The following TCF12 variants were observed in gnomAD, a reference collection of about 807,000 sequenced individuals.
TCF12 encodes the protein transcription factor 12.
Under a neutral mutation model 86.0 loss-of-function variants are expected in TCF12, and 45 were observed. That is an observed-to-expected ratio of 0.52 (90% CI 0.41 to 0.67). The LOEUF (loss-of-function observed/expected upper bound fraction) is 0.67, where lower values mean the gene tolerates loss of function less well. Among genes scored for constraint, TCF12 ranks in the 30% least tolerant of loss-of-function variants. The probability of loss-of-function intolerance (pLI) is 0.00; values close to 1 mark genes in which losing one functional copy is unlikely to be tolerated. For missense variants in TCF12, 881 were observed against 859.9 expected, an observed-to-expected ratio of 1.02 and a Z score of -0.31; for synonymous variants, 330 against 299.6, an observed-to-expected ratio of 1.10 and a Z score of -1.05.
At chr15:56,995,024 T>C (rs961184989) in intron 3 of TCF12, among the ~76,000 whole-genome samples, 3 of 152,014 alleles carry the variant, frequency 2.0e-5, no homozygotes, top group Non-Finnish European at 2.9e-5. Context: ...AAATATAACA[T>C]CTATGATCCA....
chr15:57,283,118 C>T (rs1312574217), intron 20 of TCF12, among the ~76,000 whole-genome samples: 1 of 152,162 alleles, frequency 6.6e-6, no homozygotes, highest in African/African-American at 2.4e-5. Context: ...CAGTTAACAC[C>T]CTCTAGAATC....
rs1194160083 is a variant in TCF12 at position 56,919,840 on chromosome 15, A to C, written c.-22-52A>C. 4.6e-6 allele frequency: 7 copies of C among 1,530,002 alleles called. No homozygotes were observed. In the African/African-American group the frequency reaches 6.9e-5, roughly 15 times the overall value. 94.8% of individuals were successfully genotyped at this position (1,530,002 alleles called of 1,614,324 possible). On this transcript the variant is annotated intron_variant, in intron 1 of 20. Transcript: ENST00000333725. ...CCCCAGTACCTCTCTCTGTTCCCTC[A>C]CACACTTTGGGCCTCGGTGGTCTCT...
chr15:56,966,715 A>G (rs2062021742), intron 3 of TCF12, among the ~76,000 whole-genome samples: 1 of 152,266 alleles, frequency 6.6e-6, no homozygotes, highest in Non-Finnish European at 1.5e-5. Flanking sequence ...AAAATTTGAG[A>G]AAATATAAAA....
chr15:57,047,059 A>G (rs1197551312), intron 3 of TCF12, among the ~76,000 whole-genome samples: 2 of 152,218 alleles, frequency 1.3e-5, no homozygotes, highest in Non-Finnish European at 1.5e-5. Context: ...TGAAAGTTTT[A>G]AAGGGAGGAA....
chr15:56,919,793 C>T, intron 1 of TCF12, 99 bp from the exon 2 acceptor site: 2 of 1,082,328 alleles, frequency 1.8e-6, no homozygotes, highest in Non-Finnish European at 2.7e-6. Context: ...TCCCGGCGCC[C>T]CCAGCGCTCT....
intron 3 of TCF12, among the ~76,000 whole-genome samples, chr15:56,943,571 G>A (rs2060873278): frequency 6.6e-6 from 1 of 152,032 alleles, no homozygotes; most frequent in Non-Finnish European, 1.5e-5. Context: ...TCTCATTCTT[G>A]CAGAAAAGGA....
At chr15:57,045,029 C>G (rs1295042769) in intron 3 of TCF12, among the ~76,000 whole-genome samples, 1 of 152,164 alleles carries the variant, frequency 6.6e-6, no homozygotes, top group African/African-American at 2.4e-5. Context: ...TAGTGGAAAG[C>G]AGATATAATT....
chr15:57,022,601 C>T (rs1452369673), intron 3 of TCF12, among the ~76,000 whole-genome samples: 2 of 152,194 alleles, frequency 1.3e-5, no homozygotes, highest in African/African-American at 2.4e-5. Flanking sequence ...ATCACTGGGT[C>T]AAATGGTATT....
At chr15:57,211,982 CA>C (rs2058127740) in intron 8 of TCF12, among the ~76,000 whole-genome samples, 4 of 874 alleles carry the variant, frequency 4.6e-3, no homozygotes, top group African/African-American at 0.01. Flanking sequence ...ACACACACCA[CA>C]CACACACACA....
chr15:57,192,136 T>G (rs1465875613), intron 6 of TCF12, 22 bp from the exon 7 acceptor site: 3 of 1,610,178 alleles, frequency 1.9e-6, no homozygotes, highest in Non-Finnish European at 2.5e-6. Flanking sequence ...AAATAACTTG[T>G]TTCCTTGGCC....
intron 3 of TCF12, among the ~76,000 whole-genome samples, chr15:57,034,630 T>C (rs2066393872): frequency 6.6e-6 from 1 of 152,212 alleles, no homozygotes; most frequent in Admixed American, 6.5e-5. Flanking sequence ...GTTTTAAAAG[T>C]ACTCTCATAT....
At chr15:56,954,017 G>T (rs1173885261) in intron 3 of TCF12, among the ~76,000 whole-genome samples, 1 of 151,382 alleles carries the variant, frequency 6.6e-6, no homozygotes, top group Admixed American at 6.6e-5. Flanking sequence ...ATCAATTTGA[G>T]ACCTTTCTTT....
intron 6 of TCF12, among the ~76,000 whole-genome samples, chr15:57,190,159 A>T (rs1355344272): frequency 6.6e-6 from 1 of 152,224 alleles, no homozygotes; most frequent in Non-Finnish European, 1.5e-5. Flanking sequence ...TAGAGAGGTG[A>T]TGGTTGAACA....
At chr15:57,203,080 T>G (rs2057632609) in intron 8 of TCF12, among the ~76,000 whole-genome samples, 1 of 152,260 alleles carries the variant, frequency 6.6e-6, no homozygotes, top group Non-Finnish European at 1.5e-5. Context: ...GTATATAATG[T>G]ATGTGCCTGG....
chr15:56,960,846 A>C (rs1218179626), intron 3 of TCF12, among the ~76,000 whole-genome samples: 4 of 152,068 alleles, frequency 2.6e-5, no homozygotes, highest in African/African-American at 9.7e-5. Flanking sequence ...AGTTTAAAAA[A>C]TTAATTTATT....
chr15:57,210,375 CTG>C (rs1305491729), intron 8 of TCF12, among the ~76,000 whole-genome samples: 1 of 151,536 alleles, frequency 6.6e-6, no homozygotes, highest in African/African-American at 2.4e-5. Flanking sequence ...TTTTAACTCA[CTG>C]TATTATAAAA....
chr15:57,215,732 C>CTTT (rs2058306273), intron 8 of TCF12, among the ~76,000 whole-genome samples: 2 of 152,104 alleles, frequency 1.3e-5, no homozygotes, highest in African/African-American at 4.8e-5. Context: ...CTTTCCAAAA[C>CTTT]TATTTAGAAT....
chr15:56,990,346 C>T (rs898144134), intron 3 of TCF12, among the ~76,000 whole-genome samples: 13 of 151,792 alleles, frequency 8.6e-5, no homozygotes, highest in African/African-American at 3.1e-4. Context: ...AACTGTATCC[C>T]TAACAAGACG....
At chr15:57,156,947 G>C (rs2054152121) in intron 5 of TCF12, among the ~76,000 whole-genome samples, 1 of 152,206 alleles carries the variant, frequency 6.6e-6, no homozygotes, top group Non-Finnish European at 1.5e-5. Context: ...CAGTGTGTCA[G>C]AAGGAGTAAA....
Sources: gnomAD v4.1 joint callset for allele counts (sites outside exome capture counted in the v4.1 genomes callset) on GRCh38, gnomAD v4.1.1 for gene constraint, MANE v1.5 for transcripts, NCBI Gene and HGNC (gene_info 2026-07-23, HGNC 2026-07-21) for gene names.